Variants in SDK1 observed in about 807,000 individuals in gnomAD.
SDK1 encodes the protein protein sidekick-1.
A neutral mutation model predicts 245.5 loss-of-function variants in SDK1; 157 were observed. That is an observed-to-expected ratio of 0.64 (90% confidence interval 0.56 to 0.73). SDK1 has a LOEUF of 0.73. SDK1 is among the 30% of genes least tolerant of loss of function. SDK1 has a pLI of 0.00. For synonymous variants in SDK1, 1,647 were observed against 1,278.5 expected, an observed-to-expected ratio of 1.29 and a Z score of -6.15; for missense variants, 3,583 against 3,002.3, an observed-to-expected ratio of 1.19 and a Z score of -4.52.
Position 3,469,332 on chromosome 7 carries a change from G to A in SDK1, c.299-149748G>A, listed in dbSNP as rs189843403. On this transcript the variant is annotated intron_variant, in intron 1 of 44. Transcript: ENST00000404826. ...TGTCGTCCCAGATACTTGGGAGGCT[G>A]AGGCAGGAGGATTGCTTGAGCCCAG... Among the ~76,000 whole-genome samples the A allele has an allele frequency of 1.4e-4, 21 of 152,310 alleles. No individual in the cohort carries two copies. The East Asian group carries it at 4.1e-3, about 29-fold the overall frequency.
At chr7:4,110,563 C>G in intron 22 of SDK1, 100 bp from the exon 23 acceptor site, 1 of 830,104 alleles carries the variant, frequency 1.2e-6, no homozygotes, top group East Asian at 2.5e-5. Flanking sequence ...GCCTTGCAGC[C>G]CTGCCCAGCT....
chr7:3,987,003 T>C (rs559238042), intron 13 of SDK1, among the ~76,000 whole-genome samples, 183 bp from the exon 14 acceptor site: 43 of 152,208 alleles, frequency 2.8e-4, no homozygotes, highest in African/African-American at 9.2e-4. Context: ...CTGTGAATAA[T>C]GAAGCTGGGT....
At chr7:3,611,909 A>G (rs887547996) in intron 1 of SDK1, among the ~76,000 whole-genome samples, 1 of 152,206 alleles carries the variant, frequency 6.6e-6, no homozygotes, top group Non-Finnish European at 1.5e-5. Context: ...ATGGAATACT[A>G]TTCAGCTCTG....
chr7:3,894,427 T>TCCGGGGGTGGTGCCAGGCTCCGGGGG (rs1781543769), intron 5 of SDK1, among the ~76,000 whole-genome samples: 1 of 151,838 alleles, frequency 6.6e-6, no homozygotes, highest in Non-Finnish European at 1.5e-5. Context: ...CTGCAGGGCC[T>TCCGGGGGTGGTGCCAGGCTCCGGGGG]TGGTGCCAGG....
At position 4,114,259 on chromosome 7, in the gene SDK1, C is replaced by A. The variant is rs959601116; in HGVS notation, c.3808C>A (p.Arg1270=). ...AGPWSEVVRG[R]TRESVPSAAP... Reference sequence around the variant, plus strand: ...GCCGTGGAGCGAGGTGGTGCGGGGCCGGACGCGGGAGTCAGGTGAGGGGAA... The same window carrying A: ...GCCGTGGAGCGAGGTGGTGCGGGGCAGGACGCGGGAGTCAGGTGAGGGGAA... The change falls in exon 25 of 45, where the codon CGG becomes AGG. Residue 1270 remains arginine, a synonymous_variant. Transcript: ENST00000404826. 6.2e-7 allele frequency: 1 copy of A among 1,605,842 alleles called. No homozygotes were observed. The highest frequency in any genetic ancestry group is 8.5e-7 in the Non-Finnish European group (1 of 1,176,998).
chr7:3,546,607 T>A (rs1286418597), intron 1 of SDK1, among the ~76,000 whole-genome samples: 6 of 152,190 alleles, frequency 3.9e-5, no homozygotes, highest in Non-Finnish European at 8.8e-5. Flanking sequence ...AAATGAGTGA[T>A]GTGACTGTTT....
Position 3,838,853 on chromosome 7 carries a change from C to G in SDK1, c.847+17270C>G, listed in dbSNP as rs549560490. Among the ~76,000 whole-genome samples, 436 of 152,240 alleles carry G rather than the reference C, an allele frequency of 2.9e-3. 4 individuals are homozygous for G. Among genetic ancestry groups the G allele is most frequent in the African/African-American group, 0.01 (425 of 41,550 alleles). On this transcript the variant is annotated intron_variant, in intron 5 of 44. Transcript: ENST00000404826. ...TCCTTTAATATAACCAAGTCTCTAT[C>G]AAAAACAGGGAAATATAAGTTAGAC...
chr7:3,717,174 A>G (rs1360738255), intron 4 of SDK1, among the ~76,000 whole-genome samples: 1 of 152,238 alleles, frequency 6.6e-6, no homozygotes, highest in Non-Finnish European at 1.5e-5. Context: ...TAGAGGAACT[A>G]ATTGACCGAA....
chr7:4,133,152 C>A (rs1292171896), intron 28 of SDK1, among the ~76,000 whole-genome samples: 1 of 152,162 alleles, frequency 6.6e-6, no homozygotes. Context: ...TGTAAGAAGC[C>A]GCTGAGATGA....
At chr7:3,557,895 A>C (rs1398614554) in intron 1 of SDK1, among the ~76,000 whole-genome samples, 1 of 152,216 alleles carries the variant, frequency 6.6e-6, no homozygotes, top group Non-Finnish European at 1.5e-5. Context: ...GTAGTTTTAC[A>C]TGATCACATG....
chr7:3,420,320 C>T (rs1349619468), intron 1 of SDK1, among the ~76,000 whole-genome samples: 3 of 152,172 alleles, frequency 2.0e-5, no homozygotes, highest in African/African-American at 4.8e-5. Flanking sequence ...ATTTATTTTG[C>T]ACAGTTTGAT....
rs1034233639 is a variant in SDK1 at position 3,343,509 on chromosome 7, G to A, written c.298+41625G>A. ...GCTAAAGAGCAGAAGAGAGTAGGAC[G>A]GACATGGATGTGGCTAATGAAAGAG... is the stretch of plus-strand genomic sequence containing the variant. On this transcript the variant is annotated intron_variant, in intron 1 of 44. Transcript: ENST00000404826. Among the ~76,000 whole-genome samples the A allele has an allele frequency of 5.3e-5, 8 of 152,148 alleles. No individual in the cohort carries two copies. The East Asian group carries it at 9.6e-4, about 18-fold the overall frequency.
chr7:3,333,113 G>C (rs1404814386), intron 1 of SDK1, among the ~76,000 whole-genome samples: 1 of 152,190 alleles, frequency 6.6e-6, no homozygotes, highest in Non-Finnish European at 1.5e-5. Context: ...CTAGGAAAGA[G>C]TTCAGGTCTC....
chr7:4,174,152 G>A (rs1389104710), intron 32 of SDK1, 70 bp from the exon 33 acceptor site: 4 of 1,559,764 alleles, frequency 2.6e-6, no homozygotes, highest in Admixed American at 1.7e-5. Context: ...CAGGGGTGGA[G>A]GTGAGCCCTG....
intron 1 of SDK1, among the ~76,000 whole-genome samples, chr7:3,532,752 C>G (rs560625250): frequency 1.3e-5 from 2 of 152,314 alleles, no homozygotes; most frequent in South Asian, 2.1e-4. Context: ...CTCCTCTGCA[C>G]TCTGCATTCG....
chr7:3,854,677 C>T (rs1007616592), intron 5 of SDK1, among the ~76,000 whole-genome samples: 1 of 152,190 alleles, frequency 6.6e-6, no homozygotes, highest in Admixed American at 6.5e-5. Context: ...TTTAGTATTT[C>T]TCTGCAATAT....
chr7:3,573,240 A>T (rs927582557), intron 1 of SDK1, among the ~76,000 whole-genome samples: 1 of 152,132 alleles, frequency 6.6e-6, no homozygotes, highest in East Asian at 1.9e-4. Context: ...GAGTGGCAGA[A>T]TAAAGGCATT....
chr7:3,378,602 C>T (rs1442922300), intron 1 of SDK1, among the ~76,000 whole-genome samples: 2 of 152,144 alleles, frequency 1.3e-5, no homozygotes, highest in South Asian at 2.1e-4. Context: ...GCTGTCTCTT[C>T]TGTTTGTGCA....
chr7:3,444,055 G>C (rs1473573967), intron 1 of SDK1, among the ~76,000 whole-genome samples: 1 of 152,242 alleles, frequency 6.6e-6, no homozygotes, highest in Non-Finnish European at 1.5e-5. Flanking sequence ...GCCTGCGCCA[G>C]CTCTCTCCCA....
Sources: gnomAD v4.1 joint callset for allele counts (sites outside exome capture counted in the v4.1 genomes callset) on GRCh38, gnomAD v4.1.1 for gene constraint, MANE v1.5 for transcripts, NCBI Gene and HGNC (gene_info 2026-07-23, HGNC 2026-07-21) for gene names.